Variants in NT5DC1 observed in about 807,000 individuals in gnomAD.
NT5DC1 encodes 5'-nucleotidase domain containing 1.
In NT5DC1, 42 loss-of-function variants were observed where a neutral mutation model predicts 59.4. The ratio of observed to expected loss-of-function variants is 0.71; its 90% confidence interval spans 0.55 to 0.92. The LOEUF is 0.92. Among genes scored for constraint, NT5DC1 ranks in the 40% least tolerant of loss-of-function variants. The pLI, the probability that NT5DC1 is intolerant of heterozygous loss-of-function variation, is 0.00. For missense variants in NT5DC1, 501 were observed against 537.1 expected, an observed-to-expected ratio of 0.93 and a Z score of 0.66; for synonymous variants, 172 against 188.1, an observed-to-expected ratio of 0.91 and a Z score of 0.70.
chr6:116,111,097 G>A (rs1778867395), intron 4 of NT5DC1, 141 bp downstream of exon 4: 8 of 615,656 alleles, frequency 1.3e-5, no homozygotes, highest in Non-Finnish European at 2.3e-5. Flanking sequence ...TATAGCAATA[G>A]GATGTATTTT....
At position 116,223,059 on chromosome 6, in the gene NT5DC1, AT is replaced by A. The variant is rs763828798; in HGVS notation, c.732del (p.Ile244MetfsTer2). On this transcript the variant is annotated frameshift_variant, in exon 8 of 12. Transcript: ENST00000319550. LOFTEE classifies it high-confidence loss of function. ...GAATGATTTTACAGACCTTTTTGAC[AT>A]TGTGATTACAAATGCATTGAAGCCT... ...LGNDFTDLFD[I>X]VITNALKPGF... 2.5e-5 allele frequency: 40 copies of A among 1,602,170 alleles called. No homozygotes were observed. Among genetic ancestry groups the A allele is most frequent in the Non-Finnish European group, 3.3e-5 (39 of 1,170,226 alleles).
intron 6 of NT5DC1, among the ~76,000 whole-genome samples, chr6:116,166,194 C>T (rs1780460285): frequency 6.6e-6 from 1 of 152,168 alleles, no homozygotes; most frequent in Non-Finnish European, 1.5e-5. Context: ...CTTTCCTTTT[C>T]TGCAACCCCA....
chr6:116,200,136 G>C (rs914066788), intron 6 of NT5DC1, among the ~76,000 whole-genome samples: 1 of 151,844 alleles, frequency 6.6e-6, no homozygotes, highest in Non-Finnish European at 1.5e-5. Flanking sequence ...TATCTCCATG[G>C]TCTTCCACCC....
At chr6:116,126,132 T>G (rs1452097970) in intron 6 of NT5DC1, 1 of 153,042 alleles carries the variant, frequency 6.5e-6, no homozygotes, top group Non-Finnish European at 1.5e-5. Context: ...GTGCAGAAGG[T>G]GCCTCTCAAG....
intron 6 of NT5DC1, among the ~76,000 whole-genome samples, chr6:116,168,511 T>C (rs1224871072): frequency 6.6e-6 from 1 of 152,158 alleles, no homozygotes; most frequent in Non-Finnish European, 1.5e-5. Flanking sequence ...TTATTATTTA[T>C]AGTTTTCAAG....
At chr6:116,239,827 C>T (rs1332225629) in intron 11 of NT5DC1, among the ~76,000 whole-genome samples, 2 of 151,884 alleles carry the variant, frequency 1.3e-5, no homozygotes, top group East Asian at 3.9e-4. Context: ...TAGCCGGGCA[C>T]ATAAAGATAT....
chr6:116,238,176 C>A lies in NT5DC1; in HGVS notation c.922-11C>A. The A allele has an allele frequency of 6.3e-7, 1 of 1,585,060 alleles. No individual in the cohort carries two copies. The highest frequency in any genetic ancestry group is 8.6e-7 in the Non-Finnish European group (1 of 1,166,196). On this transcript the variant is annotated splice_polypyrimidine_tract_variant and intron_variant, in intron 9 of 11. Transcript: ENST00000319550. ...CTGTGCCTCAAACAGCATCTGCTAT[C>A]TGTCTTACAGGTTGTTTATTTTGGT...
chr6:116,111,677 G>A (rs995194452), intron 4 of NT5DC1, among the ~76,000 whole-genome samples: 1 of 152,134 alleles, frequency 6.6e-6, no homozygotes, highest in Non-Finnish European at 1.5e-5. Context: ...GAAAATAGTT[G>A]CAGTTACTCC....
intron 11 of NT5DC1, among the ~76,000 whole-genome samples, chr6:116,240,910 G>A (rs1033135383): frequency 3.9e-5 from 6 of 152,106 alleles, no homozygotes; most frequent in Non-Finnish European, 7.4e-5. Flanking sequence ...TTGGGAGGCC[G>A]AGGTGGGCGG....
chr6:116,115,294 A>G (rs1302015152), intron 4 of NT5DC1, among the ~76,000 whole-genome samples: 1 of 152,196 alleles, frequency 6.6e-6, no homozygotes, highest in Non-Finnish European at 1.5e-5. Flanking sequence ...CAATCTGAAA[A>G]AGCACTATTG....
At chr6:116,212,052 A>G (rs1014435763) in intron 6 of NT5DC1, among the ~76,000 whole-genome samples, 1 of 152,066 alleles carries the variant, frequency 6.6e-6, no homozygotes, top group African/African-American at 2.4e-5. Flanking sequence ...TATCCTATAT[A>G]TTTATGTTTG....
chr6:116,232,387 G>T (rs184266758), intron 8 of NT5DC1, among the ~76,000 whole-genome samples: 1 of 152,140 alleles, frequency 6.6e-6, no homozygotes, highest in East Asian at 1.9e-4. Context: ...CTCAACAAAT[G>T]TGTAAAAACA....
At chr6:116,143,350 A>G (rs946949397) in intron 6 of NT5DC1, among the ~76,000 whole-genome samples, 2 of 152,164 alleles carry the variant, frequency 1.3e-5, no homozygotes, top group Non-Finnish European at 2.9e-5. Context: ...AGCTGGGATT[A>G]TAGGCATGCA....
At chr6:116,120,654 G>A in intron 6 of NT5DC1, 2 of 1,546,386 alleles carry the variant, frequency 1.3e-6, no homozygotes, top group African/African-American at 1.4e-5. Context: ...GGCCCGGTGG[G>A]TCCATTGAGG....
chr6:116,163,122 G>A (rs1295992784), intron 6 of NT5DC1, among the ~76,000 whole-genome samples: 33 of 28,160 alleles, frequency 1.2e-3, no homozygotes, highest in South Asian at 2.6e-3. Flanking sequence ...GCGAGACTCC[G>A]TCTCAAAAAA....
At chr6:116,216,754 A>G in intron 6 of NT5DC1, among the ~76,000 whole-genome samples, 1 of 152,106 alleles carries the variant, frequency 6.6e-6, no homozygotes, top group East Asian at 1.9e-4. Flanking sequence ...AACAAAATAA[A>G]TTTATCTCTT....
At chr6:116,181,625 G>C (rs940097126) in intron 6 of NT5DC1, among the ~76,000 whole-genome samples, 1 of 151,902 alleles carries the variant, frequency 6.6e-6, no homozygotes, top group Non-Finnish European at 1.5e-5. Context: ...ATTAAAATCA[G>C]TTGTATATCC....
At chr6:116,131,015 T>C (rs1392188017) in intron 6 of NT5DC1, among the ~76,000 whole-genome samples, 1 of 152,208 alleles carries the variant, frequency 6.6e-6, no homozygotes, top group African/African-American at 2.4e-5. Flanking sequence ...CTGTTAGGTT[T>C]GTTTCATTTT....
chr6:116,214,415 C>G (rs1404399323), intron 6 of NT5DC1, among the ~76,000 whole-genome samples: 1 of 152,074 alleles, frequency 6.6e-6, no homozygotes, highest in East Asian at 1.9e-4. Flanking sequence ...TATGCATAAT[C>G]TGGTTTTGCA....
Sources: gnomAD v4.1 joint callset for allele counts (sites outside exome capture counted in the v4.1 genomes callset) on GRCh38, gnomAD v4.1.1 for gene constraint, MANE v1.5 for transcripts, NCBI Gene and HGNC (gene_info 2026-07-23, HGNC 2026-07-21) for gene names.